Variants in SLC39A9 observed in about 807,000 individuals in gnomAD.
SLC39A9 encodes the protein solute carrier family 39 member 9.
SLC39A9 carries 14 observed loss-of-function variants against 28.4 expected under a neutral mutation model. That is an observed-to-expected ratio of 0.49 (90% CI 0.33 to 0.77). The LOEUF (loss-of-function observed/expected upper bound fraction) is 0.77, where lower values mean the gene tolerates loss of function less well. Ranked by LOEUF, SLC39A9 falls within the 30% of genes least tolerant of loss-of-function variation. The pLI, the probability that SLC39A9 is intolerant of heterozygous loss-of-function variation, is 0.02. For synonymous variants in SLC39A9, 119 were observed against 149.6 expected, an observed-to-expected ratio of 0.80 and a Z score of 1.49; for missense variants, 283 against 381.1, an observed-to-expected ratio of 0.74 and a Z score of 2.14.
intron 2 of SLC39A9, among the ~76,000 whole-genome samples, chr14:69,437,594 GTTT>G (rs533128992): frequency 7.0e-6 from 1 of 143,432 alleles, no homozygotes; most frequent in African/African-American, 2.6e-5. Context: ...TTTTTTGTTT[GTTT>G]TTTTTTTTTT....
At chr14:69,413,323 T>A (rs1339975293) in intron 1 of SLC39A9, among the ~76,000 whole-genome samples, 1 of 151,202 alleles carries the variant, frequency 6.6e-6, no homozygotes, top group Admixed American at 6.6e-5. Context: ...GCCACTGCAC[T>A]CCAGCCTGGG....
Position 69,398,862 on chromosome 14 carries a change from C to T in SLC39A9, c.-508C>T, listed in dbSNP as rs1171208668. 2.5e-5 allele frequency: 5 copies of T among 197,578 alleles called. No individual in the cohort carries two copies. The highest frequency in any genetic ancestry group is 5.1e-5 in the Non-Finnish European group (5 of 97,134). The allele number at this position is 197,578 out of a possible 1,614,324, so 12.2% of individuals were successfully genotyped here. Reference sequence around the variant, plus strand: ...CGTTAGAGACCTGCAGGACTCCTTTCCTCATCCCAGGCTCGGAGGAGAGTT... The same window carrying T: ...CGTTAGAGACCTGCAGGACTCCTTTTCTCATCCCAGGCTCGGAGGAGAGTT... On this transcript the variant is annotated 5_prime_UTR_variant, in exon 1 of 7. Transcript: ENST00000336643.
intron 1 of SLC39A9, among the ~76,000 whole-genome samples, chr14:69,413,074 C>T (rs1883360136): frequency 6.6e-6 from 1 of 152,016 alleles, no homozygotes; most frequent in Non-Finnish European, 1.5e-5. Flanking sequence ...TTCAAAGACT[C>T]GGCCAGGCGC....
At chr14:69,418,483 G>C (rs1194967723) in intron 1 of SLC39A9, among the ~76,000 whole-genome samples, 2 of 152,014 alleles carry the variant, frequency 1.3e-5, no homozygotes, top group Non-Finnish European at 2.9e-5. Flanking sequence ...GATGATGCTG[G>C]CCTCATAAAA....
Position 69,431,559 on chromosome 14 carries a change from C to CTT in SLC39A9, c.205+7368_205+7369dup, listed in dbSNP as rs80208612. On this transcript the variant is annotated intron_variant, in intron 2 of 6. Transcript: ENST00000336643. ...GGTTTTTTATGGATTCCCTGTTTCTCTTTTTTTTTTTTCAACTTTTATTTT... is the reference window on the plus strand; with the variant it reads ...GGTTTTTTATGGATTCCCTGTTTCTCTTTTTTTTTTTTTTCAACTTTTATTTT... Among the ~76,000 whole-genome samples, 604 of 142,464 alleles carry CTT rather than the reference C, an allele frequency of 4.2e-3. 5 individuals carry two copies. The highest frequency in any genetic ancestry group is 0.015 in the African/African-American group (565 of 38,932). The allele number at this position is 142,464 out of a possible 152,430, so 93.5% of individuals were successfully genotyped here.
chr14:69,415,473 G>T (rs558981236), intron 1 of SLC39A9, among the ~76,000 whole-genome samples: 45 of 152,172 alleles, frequency 3.0e-4, no homozygotes, highest in African/African-American at 1.1e-3. Flanking sequence ...TTGGTTGTTT[G>T]TCTTTTATTA....
At chr14:69,398,571 C>A (rs2232051), upstream of SLC39A9, 5 of 396,664 alleles carry the variant, frequency 1.3e-5, no homozygotes, top group Admixed American at 8.5e-5. Flanking sequence ...CATCAGACAT[C>A]TTTCATTAGC....
chr14:69,407,576 G>A (rs926173013), intron 1 of SLC39A9, among the ~76,000 whole-genome samples: 15 of 151,888 alleles, frequency 9.9e-5, no homozygotes, highest in African/African-American at 3.1e-4. Flanking sequence ...TGGTCTGCCC[G>A]CCTAGGCCTC....
At chr14:69,408,946 A>T (rs1396745875) in intron 1 of SLC39A9, among the ~76,000 whole-genome samples, 1 of 152,214 alleles carries the variant, frequency 6.6e-6, no homozygotes, top group Non-Finnish European at 1.5e-5. Flanking sequence ...TTAATGACAC[A>T]TGTCAACTGA....
intron 1 of SLC39A9, among the ~76,000 whole-genome samples, chr14:69,423,441 T>C (rs975503866): frequency 2.0e-5 from 3 of 152,228 alleles, no homozygotes; most frequent in African/African-American, 7.2e-5. Context: ...GTAAAATTTC[T>C]GGATCAAAGA....
chr14:69,416,185 T>C (rs780547704), intron 1 of SLC39A9, among the ~76,000 whole-genome samples: 10 of 152,002 alleles, frequency 6.6e-5, no homozygotes, highest in Non-Finnish European at 1.2e-4. Context: ...AGTGTTCTCA[T>C]TGATCAGTTC....
In SLC39A9 at chr14:69,458,686, C is replaced by CA; in HGVS notation, c.*94dup. 3.4e-6 allele frequency: 5 copies of CA among 1,455,864 alleles called. No individual in the cohort carries two copies. Among genetic ancestry groups the CA allele is most frequent in the Non-Finnish European group, 4.5e-6 (5 of 1,103,238 alleles). 90.2% of individuals were successfully genotyped at this position (1,455,864 alleles called of 1,614,324 possible). On this transcript the variant is annotated 3_prime_UTR_variant, in exon 7 of 7. Transcript: ENST00000336643. ...TACTCACTTCCTCAGTCTCTTGTCT[C>CA]ACCTTGCGCATCTCTACATGTATTC...
At position 69,461,505 on chromosome 14, in the gene SLC39A9, G is replaced by T. The variant is rs527268449; in HGVS notation, c.*2912G>T. The T allele has an allele frequency of 4.2e-6, 6 of 1,430,912 alleles. No individual in the cohort carries two copies. The East Asian group carries it at 1.0e-4, about 24-fold the overall frequency. 88.6% of individuals were successfully genotyped at this position (1,430,912 alleles called of 1,614,324 possible). The stretch of plus-strand genomic sequence containing the variant: ...GGTTATGTGTTTTCTCTTTCTCCCC[G>T]CTTTCACCTCTTTCTTTCCCAATTC... On this transcript the variant is annotated 3_prime_UTR_variant, in exon 7 of 7. Coordinates refer to ENST00000336643, the MANE Select transcript of SLC39A9 (RefSeq NM_018375.5).
intron 3 of SLC39A9, among the ~76,000 whole-genome samples, chr14:69,447,913 C>CAA (rs34116080): frequency 0.1 from 9,801 of 97,000 alleles, 471 homozygotes; most frequent in Middle Eastern, 0.13. Flanking sequence ...GCCCTGTCTC[C>CAA]AAAAAAAAAA....
chr14:69,445,052 GA>G (rs34157502), intron 3 of SLC39A9, among the ~76,000 whole-genome samples: 62 of 148,172 alleles, frequency 4.2e-4, no homozygotes, highest in African/African-American at 1.1e-3. Context: ...TTGTTAAATG[GA>G]AAAAAAAAAG....
chr14:69,402,857 G>A (rs1219514804), intron 1 of SLC39A9, among the ~76,000 whole-genome samples: 1 of 152,096 alleles, frequency 6.6e-6, no homozygotes, highest in Non-Finnish European at 1.5e-5. Flanking sequence ...TGAGGTGGGC[G>A]GATTACCTGA....
At chr14:69,424,002 GAGC>G (rs1480880102) in intron 1 of SLC39A9, 89 bp from the exon 2 acceptor site, 1 of 800,164 alleles carries the variant, frequency 1.2e-6, no homozygotes, top group Non-Finnish European at 2.1e-6. Context: ...TCTCACAAAT[GAGC>G]AGCTCACAGT....
intron 1 of SLC39A9, among the ~76,000 whole-genome samples, chr14:69,413,281 G>A (rs146520348): frequency 0.019 from 2,901 of 152,144 alleles, 102 homozygotes; most frequent in African/African-American, 0.065. Flanking sequence ...GCATGAACCC[G>A]GGAGGTGGAG....
chr14:69,438,495 C>T (rs1259420378), intron 2 of SLC39A9, among the ~76,000 whole-genome samples: 1 of 152,040 alleles, frequency 6.6e-6, no homozygotes. Flanking sequence ...CTTTAATAAG[C>T]ATTATTAAAT....
Sources: allele counts gnomAD v4.1 joint callset (sites outside exome capture counted in the v4.1 genomes callset), GRCh38; gene constraint gnomAD v4.1.1; transcripts MANE v1.5; gene names NCBI Gene and HGNC (gene_info 2026-07-23, HGNC 2026-07-21).